The following RBM19 variants were observed in gnomAD, a reference collection of about 807,000 sequenced individuals.
RBM19 encodes RNA binding motif protein 19.
RBM19 carries 94 observed loss-of-function variants against 116.8 expected under a neutral mutation model. The observed-to-expected ratio is 0.80, with a 90% CI of 0.68 to 0.95. The LOEUF is 0.95. Among genes scored for constraint, RBM19 ranks in the 40% least tolerant of loss-of-function variants. The pLI is 0.00. For missense variants in RBM19, 1,161 were observed against 1,220.7 expected (o/e 0.95, Z 0.73); for synonymous variants, 475 against 494.1 (o/e 0.96, Z 0.51).
chr12:113,915,119 C>G, intron 20 of RBM19, 34 bp from the exon 21 acceptor site: 1 of 1,544,194 alleles, frequency 6.5e-7, no homozygotes, highest in South Asian at 1.1e-5. Flanking sequence ...CCAAGTTATT[C>G]GGAGCTTCAG....
At chr12:113,879,138 T>C (rs1299533858) in intron 21 of RBM19, among the ~76,000 whole-genome samples, 2 of 152,070 alleles carry the variant, frequency 1.3e-5, no homozygotes, top group Non-Finnish European at 2.9e-5. Context: ...GCTTGCTCAA[T>C]CCATGGGGAA....
At chr12:113,958,479 T>A (rs1057406078) in intron 5 of RBM19, among the ~76,000 whole-genome samples, 1 of 152,120 alleles carries the variant, frequency 6.6e-6, no homozygotes, top group Non-Finnish European at 1.5e-5. Context: ...CCAACCCACA[T>A]TGAGCCCCTC....
intron 21 of RBM19, among the ~76,000 whole-genome samples, chr12:113,896,432 C>A (rs562803272): frequency 4.6e-5 from 7 of 152,354 alleles, no homozygotes; most frequent in Admixed American, 4.6e-4. Context: ...CTCCGCCCCC[C>A]ATGGGAGGGG....
chr12:113,965,828 G>A (rs1180008193), intron 1 of RBM19, among the ~76,000 whole-genome samples: 1 of 152,198 alleles, frequency 6.6e-6, no homozygotes, highest in Non-Finnish European at 1.5e-5. Context: ...TCCAGACTGG[G>A]AGAGGAATAT....
Position 113,945,884 on chromosome 12 carries a change from C to T in RBM19, c.1570G>A (p.Val524Met), listed in dbSNP as rs201545068. The change falls in exon 13 of 24, where the codon GTG becomes ATG. Residue 524 changes from valine to methionine, a missense_variant. Coordinates refer to ENST00000261741, the MANE Select transcript of RBM19 (RefSeq NM_016196.4). ...TACTTCTGTGCGATGGCATCGGCCA[C>T]GGCATTCGGCCCCATGAATAGTGTG... Reference protein sequence around the residue: ...WNTLFMGPNAVADAIAQKYNA... With the variant: ...WNTLFMGPNAMADAIAQKYNA... 2.8e-5 allele frequency: 45 copies of T among 1,593,438 alleles called. No individual in the cohort carries two copies. Among genetic ancestry groups the T allele is most frequent in the South Asian group, 1.2e-4 (11 of 90,652 alleles).
chr12:113,862,704 C>A (rs1394607160), intron 21 of RBM19, among the ~76,000 whole-genome samples: 1 of 152,172 alleles, frequency 6.6e-6, no homozygotes, highest in Non-Finnish European at 1.5e-5. Flanking sequence ...CACCCAGGAA[C>A]TCCTCCCTGA....
At chr12:113,947,192 A>G (rs879773662) in intron 11 of RBM19, 142 bp downstream of exon 11, 1 of 1,103,418 alleles carries the variant, frequency 9.1e-7, no homozygotes, top group Non-Finnish European at 1.3e-6. Flanking sequence ...TGAGTGAGGC[A>G]GTGACTTAGC....
chr12:113,827,309 C>T (rs1373245959), intron 23 of RBM19, among the ~76,000 whole-genome samples: 1 of 152,132 alleles, frequency 6.6e-6, no homozygotes, highest in Non-Finnish European at 1.5e-5. Context: ...CTCAGCCATC[C>T]CCCGACAACC....
At position 113,903,445 on chromosome 12, in the gene RBM19, G is replaced by GT. The variant is rs1168436834; in HGVS notation, c.2558+11523dup. ...GACAGACATCTGTTTTTGTGTGAAC[G>GT]TGAGTTGTCATTTCTCTGTTGTTGA... On this transcript the variant is annotated intron_variant, in intron 21 of 23. Coordinates refer to ENST00000261741, the MANE Select transcript of RBM19 (RefSeq NM_016196.4). The surrounding 1 kb of genome is among the most constrained non-coding windows in gnomAD (Gnocchi z 5.1). 4.6e-5 allele frequency among the ~76,000 whole-genome samples: 7 copies of GT among 152,164 alleles called. No individual in the cohort carries two copies.
At chr12:113,861,461 G>T (rs957788656) in intron 21 of RBM19, among the ~76,000 whole-genome samples, 1 of 132,014 alleles carries the variant, frequency 7.6e-6, no homozygotes, top group African/African-American at 2.8e-5. Context: ...CCAGATTTCT[G>T]GTAAGCCAGA....
rs114483370 is a variant in RBM19, at chr12:113,953,744, A to G, written c.922-1154T>C. Reference sequence around the variant, plus strand: ...TAGAATTGTACACACATTTGCCTACACAGAATATTTATCTGGAGCAAAGAT... The same window carrying G: ...TAGAATTGTACACACATTTGCCTACGCAGAATATTTATCTGGAGCAAAGAT... On this transcript the variant is annotated intron_variant, in intron 7 of 23. Coordinates refer to ENST00000261741, the MANE Select transcript of RBM19 (RefSeq NM_016196.4). Among the ~76,000 whole-genome samples the G allele has an allele frequency of 9.2e-3, 1,399 of 152,386 alleles. 25 individuals carry two copies. The highest frequency in any genetic ancestry group is 0.032 in the African/African-American group (1,341 of 41,590).
intron 22 of RBM19, among the ~76,000 whole-genome samples, chr12:113,851,858 C>T (rs1392248625): frequency 1.3e-5 from 2 of 151,808 alleles, no homozygotes; most frequent in Non-Finnish European, 2.9e-5. Context: ...CGAGACTAGC[C>T]TGACCAACAT....
rs1874577502 is a variant in RBM19 at position 113,823,287 on chromosome 12, G to A, written c.2820C>T (p.Asp940=). Residue 940 remains aspartate, a synonymous_variant, in exon 24 of 24, where the codon GAC becomes GAT. Coordinates refer to ENST00000261741, the MANE Select transcript of RBM19 (RefSeq NM_016196.4). ...PPKKKRSVVL[D]EILEQLEGSD... ...TGCCTTCCAGCTGCTCCAGGATCTC[G>A]TCCAACACCACAGACCGCTTTTTCT... 18 of 1,613,212 alleles carry A rather than the reference G, an allele frequency of 1.1e-5. No individual in the cohort carries two copies. The highest frequency in any genetic ancestry group is 1.4e-5 in the Non-Finnish European group (16 of 1,180,022).
At position 113,898,842 on chromosome 12, in the gene RBM19, C is replaced by G. The variant is rs1881506224; in HGVS notation, c.2558+16127G>C. On this transcript the variant is annotated intron_variant, in intron 21 of 23. Transcript: ENST00000261741. The surrounding 1 kb of genome is among the most constrained non-coding windows in gnomAD (Gnocchi z 4.3). ...GAATTTAGTTTCTGCAAAACGACAT[C>G]ATCCATCACGCTAAAATAATGTTGT... Among the ~76,000 whole-genome samples, 1 of 152,224 alleles carries G rather than the reference C, an allele frequency of 6.6e-6. No homozygotes were observed. Among genetic ancestry groups the G allele is most frequent in the Non-Finnish European group, 1.5e-5 (1 of 68,044 alleles).
chr12:113,835,535 G>C (rs753097108), intron 23 of RBM19, among the ~76,000 whole-genome samples: 19 of 152,218 alleles, frequency 1.2e-4, no homozygotes, highest in Non-Finnish European at 2.8e-4. Context: ...GAGGCAGTGG[G>C]GGCCGGGGTC....
intron 21 of RBM19, among the ~76,000 whole-genome samples, chr12:113,864,647 C>G (rs1878671734): frequency 6.6e-6 from 1 of 152,208 alleles, no homozygotes; most frequent in Non-Finnish European, 1.5e-5. Flanking sequence ...ACCAACTGCA[C>G]AGCTAGGAAC....
intron 12 of RBM19, 71 bp from the exon 13 acceptor site, chr12:113,945,995 T>G: frequency 2.9e-6 from 4 of 1,390,120 alleles, no homozygotes; most frequent in Non-Finnish European, 4.0e-6. Flanking sequence ...CAGACACGAA[T>G]CCTGTAAGAA....
chr12:113,929,170 G>A (rs548357368), intron 16 of RBM19, among the ~76,000 whole-genome samples: 39 of 152,276 alleles, frequency 2.6e-4, no homozygotes, highest in African/African-American at 9.4e-4. Flanking sequence ...GGGGCTTCTT[G>A]GGGTTCAGCT....
chr12:113,820,000 G>A (rs1874306446), downstream of RBM19, among the ~76,000 whole-genome samples: 1 of 152,056 alleles, frequency 6.6e-6, no homozygotes, highest in South Asian at 2.1e-4. Flanking sequence ...TCACACTCCA[G>A]GTTGTCCCCT....
Sources: gnomAD v4.1 joint callset for allele counts (sites outside exome capture counted in the v4.1 genomes callset) on GRCh38, gnomAD v4.1.1 for gene constraint, Gnocchi (gnomAD v3.1) non-coding constraint, MANE v1.5 for transcripts, NCBI Gene and HGNC (gene_info 2026-07-23, HGNC 2026-07-21) for gene names.